Variants in WAC observed in about 807,000 individuals in gnomAD.
WAC encodes the protein WW domain-containing adapter protein with coiled-coil.
Under a neutral mutation model 79.6 loss-of-function variants are expected in WAC, and 11 were observed. That is an observed-to-expected ratio of 0.14 (90% confidence interval 0.09 to 0.23). The LOEUF (loss-of-function observed/expected upper bound fraction) is 0.23, where lower values mean the gene tolerates loss of function less well. Ranked by LOEUF, WAC falls within the 10% of genes least tolerant of loss-of-function variation. The pLI is 1.00. For synonymous variants in WAC, 304 were observed against 276.9 expected (o/e 1.10, Z -0.97); for missense variants, 728 against 773.5 (o/e 0.94, Z 0.70).
chr10:28,547,711 G>A (rs937138822), intron 3 of WAC, among the ~76,000 whole-genome samples: 1 of 151,360 alleles, frequency 6.6e-6, no homozygotes, highest in African/African-American at 2.4e-5. Context: ...ATCAAACCTG[G>A]TTCTTTTTCA....
chr10:28,590,920 T>TA lies in WAC; in HGVS notation c.610+91dup, dbSNP rs1840049425. 8.6e-6 allele frequency: 8 copies of TA among 927,348 alleles called. No homozygotes were observed. In the South Asian group the frequency reaches 1.2e-4, roughly 14 times the overall value. The allele number at this position is 927,348 out of a possible 1,614,324, so 57.4% of individuals were successfully genotyped here. ...CTGTATCCATTGCCATCTACATATG[T>TA]AAATTAAAATAAATAGAAACATACG... is the stretch of plus-strand genomic sequence containing the variant. On this transcript the variant is annotated intron_variant, in intron 6 of 13. Coordinates refer to ENST00000354911, the MANE Select transcript of WAC (RefSeq NM_016628.5).
At chr10:28,550,431 C>T (rs1837603803) in intron 3 of WAC, among the ~76,000 whole-genome samples, 1 of 151,508 alleles carries the variant, frequency 6.6e-6, no homozygotes, top group African/African-American at 2.4e-5. Context: ...TTTATGAAGC[C>T]TTCCTTGAGC....
rs1347330968 is a variant in WAC, at chr10:28,595,899, C to G, written c.777C>G (p.Thr259=). The G allele has an allele frequency of 1.2e-6, 2 of 1,614,146 alleles. No individual in the cohort carries two copies. Among genetic ancestry groups the G allele is most frequent in the Non-Finnish European group, 1.7e-6 (2 of 1,180,020 alleles). ...PIKPVVHPTA[T]PSTVPSSPFT... is the part of the protein sequence containing the mutation. ...AACCAGTGGTTCATCCAACTGCTAC[C>G]CCAAGCACTGTTCCTTCTAGTCCAT... The change falls in exon 7 of 14, where the codon ACC becomes ACG. Residue 259 remains threonine (T), a synonymous_variant. Coordinates refer to ENST00000354911, the MANE Select transcript of WAC (RefSeq NM_016628.5).
intron 3 of WAC, among the ~76,000 whole-genome samples, chr10:28,568,287 A>G (rs1838761098): frequency 2.0e-5 from 3 of 152,306 alleles, no homozygotes; most frequent in Admixed American, 6.5e-5. Flanking sequence ...ACATTATTCC[A>G]GTTGCTGAAT....
At chr10:28,545,017 G>C (rs1418027942) in intron 3 of WAC, among the ~76,000 whole-genome samples, 3 of 146,126 alleles carry the variant, frequency 2.1e-5, no homozygotes, top group East Asian at 2.0e-4. Context: ...CTCCAGCCTG[G>C]GTGACAGAGT....
intron 12 of WAC, 102 bp downstream of exon 12, chr10:28,616,464 T>A: frequency 1.0e-6 from 1 of 968,178 alleles, no homozygotes; most frequent in Non-Finnish European, 1.4e-6. Flanking sequence ...CAAGCAATAT[T>A]TAAAATAATG....
At chr10:28,603,383 T>C (rs1840736659) in intron 7 of WAC, among the ~76,000 whole-genome samples, 1 of 152,200 alleles carries the variant, frequency 6.6e-6, no homozygotes. Flanking sequence ...TTGGAAAAGT[T>C]TGCATTGAAG....
Position 28,535,602 on chromosome 10 carries a change from A to G in WAC, c.119A>G (p.Asp40Gly). 1 of 1,614,108 alleles carries G rather than the reference A, an allele frequency of 6.2e-7. No homozygotes were observed. Among genetic ancestry groups the G allele is most frequent in the Non-Finnish European group, 8.5e-7 (1 of 1,179,984 alleles). The change falls in exon 3 of 14, where the codon GAT (aspartate) becomes GGT (glycine). Residue 40 changes from aspartate (D) to glycine (G), a missense_variant. Coordinates refer to ENST00000354911, the MANE Select transcript of WAC (RefSeq NM_016628.5). ...TCGAAGAGTCACCCCAGTAGCGGTG[A>G]TCACAGACATGAAAAGATGCGAGAC... ...YSSKSHPSSGDHRHEKMRDAG... is the reference protein window; with the variant it reads ...YSSKSHPSSGGHRHEKMRDAG...
chr10:28,604,455 G>A (rs536664888), intron 7 of WAC, among the ~76,000 whole-genome samples: 31 of 152,242 alleles, frequency 2.0e-4, no homozygotes, highest in Admixed American at 1.3e-4. Flanking sequence ...AACAAGGCCC[G>A]GCGTGGTGGC....
intron 7 of WAC, 24 bp from the exon 8 acceptor site, chr10:28,608,162 C>G (rs914696422): frequency 2.5e-6 from 4 of 1,610,944 alleles, no homozygotes; most frequent in Middle Eastern, 3.3e-4. Flanking sequence ...GGTAATTTTT[C>G]AGGCTGATTA....
intron 4 of WAC, among the ~76,000 whole-genome samples, chr10:28,586,420 A>G (rs1839824602): frequency 6.6e-6 from 1 of 152,136 alleles, no homozygotes; most frequent in Non-Finnish European, 1.5e-5. Flanking sequence ...TCACAACTAT[A>G]ATCCCAGCAC....
At chr10:28,612,233 A>C (rs1404608924) in intron 10 of WAC, among the ~76,000 whole-genome samples, 2 of 152,228 alleles carry the variant, frequency 1.3e-5, no homozygotes, top group Non-Finnish European at 2.9e-5. Context: ...ACTCCAAAAG[A>C]CATGAATGAA....
At chr10:28,542,134 CACATTATGTGCCT>C (rs568276328) in intron 3 of WAC, among the ~76,000 whole-genome samples, 1 of 152,344 alleles carries the variant, frequency 6.6e-6, no homozygotes, top group South Asian at 2.1e-4. Context: ...AGGGGCTCTG[CACATTATGTGCCT>C]TTATGTTTCT....
chr10:28,559,030 T>C (rs1838152633), intron 3 of WAC, among the ~76,000 whole-genome samples: 1 of 152,132 alleles, frequency 6.6e-6, no homozygotes, highest in Admixed American at 6.6e-5. Flanking sequence ...ATATTTTCCA[T>C]GAGACACTTA....
Position 28,533,201 on chromosome 10 carries a change from G to A in WAC, c.-379G>A, listed in dbSNP as rs878904265. The A allele has an allele frequency of 5.8e-6, 1 of 171,634 alleles. No homozygotes were observed. Among genetic ancestry groups the A allele is most frequent in the Non-Finnish European group, 1.2e-5 (1 of 81,928 alleles). The allele number at this position is 171,634 out of a possible 1,614,324, so 10.6% of individuals were successfully genotyped here. A position where few individuals can be genotyped will look rare whatever the true frequency, so the allele number is the denominator to read the frequency against. ...GCGGGAGGAGGAGGAGGAGAAGAAGGACCAGGCGGCGGCAGCAGCGGCGGC... is the reference window on the plus strand; with the variant it reads ...GCGGGAGGAGGAGGAGGAGAAGAAGAACCAGGCGGCGGCAGCAGCGGCGGC... On this transcript the variant is annotated 5_prime_UTR_variant, in exon 1 of 14. Coordinates refer to ENST00000354911, the MANE Select transcript of WAC (RefSeq NM_016628.5).
intron 3 of WAC, among the ~76,000 whole-genome samples, chr10:28,556,775 G>A (rs747954290): frequency 5.3e-5 from 8 of 151,884 alleles, no homozygotes; most frequent in African/African-American, 1.2e-4. Flanking sequence ...ATTCTTCTGC[G>A]TGCGGCTATC....
At chr10:28,556,636 C>T (rs1356815202) in intron 3 of WAC, among the ~76,000 whole-genome samples, 3 of 151,788 alleles carry the variant, frequency 2.0e-5, no homozygotes, top group African/African-American at 7.3e-5. Flanking sequence ...TTGCCAAGAC[C>T]AAAGTCAAAG....
chr10:28,607,153 A>T (rs572892221), intron 7 of WAC, among the ~76,000 whole-genome samples: 2 of 152,280 alleles, frequency 1.3e-5, no homozygotes, highest in South Asian at 4.1e-4. Flanking sequence ...TCTGATTACC[A>T]CTACTTTGAA....
intron 3 of WAC, among the ~76,000 whole-genome samples, chr10:28,560,452 ATGTT>A (rs1310305390): frequency 1.3e-5 from 2 of 152,174 alleles, no homozygotes; most frequent in African/African-American, 2.4e-5. Context: ...ATAGAGCAAA[ATGTT>A]TGTGGTGTGA....
Sources: allele counts gnomAD v4.1 joint callset (sites outside exome capture counted in the v4.1 genomes callset), GRCh38; gene constraint gnomAD v4.1.1; transcripts MANE v1.5; gene names NCBI Gene and HGNC (gene_info 2026-07-23, HGNC 2026-07-21).